The following FAM81B variants were observed in gnomAD, a reference collection of about 807,000 sequenced individuals.
The protein encoded by FAM81B is protein FAM81B.
In FAM81B, 60 loss-of-function variants were observed where a neutral mutation model predicts 58.7. That is an observed-to-expected ratio of 1.02 (90% CI 0.83 to 1.27). The LOEUF is 1.27. FAM81B is among the 50% of genes most tolerant of loss of function. FAM81B has a pLI of 0.00. For missense variants in FAM81B, 491 were observed against 522.0 expected (o/e 0.94, Z 0.58); for synonymous variants, 189 against 179.6 (o/e 1.05, Z -0.42).
chr5:95,424,173 C>T (rs1369138076), intron 5 of FAM81B: 8 of 1,289,668 alleles, frequency 6.2e-6, no homozygotes, highest in Non-Finnish European at 2.0e-6. Flanking sequence ...ACCAAACACA[C>T]TCACTGATCC....
chr5:95,405,451 C>T (rs769022121), intron 3 of FAM81B, among the ~76,000 whole-genome samples: 3 of 152,034 alleles, frequency 2.0e-5, no homozygotes, highest in Non-Finnish European at 2.9e-5. Context: ...ATTTTCCATA[C>T]CTAATGGTTC....
intron 2 of FAM81B, among the ~76,000 whole-genome samples, chr5:95,393,318 A>G (rs1381867380): frequency 6.6e-6 from 1 of 152,144 alleles, no homozygotes; most frequent in Non-Finnish European, 1.5e-5. Flanking sequence ...CTTTTTTTGC[A>G]CTTCTCTTAA....
At chr5:95,448,528 C>T in intron 9 of FAM81B, 64 bp downstream of exon 9, 1 of 1,450,788 alleles carries the variant, frequency 6.9e-7, no homozygotes, top group Non-Finnish European at 9.3e-7. Context: ...CCTCAGTCTT[C>T]CACTTTGAGC....
intron 9 of FAM81B, 44 bp from the exon 10 acceptor site, chr5:95,450,105 C>G: frequency 3.9e-6 from 6 of 1,554,622 alleles, no homozygotes; most frequent in Non-Finnish European, 5.2e-6. Context: ...AAAAAAAGCT[C>G]TAATGCATTG....
At chr5:95,437,579 C>T (rs905341469) in intron 7 of FAM81B, among the ~76,000 whole-genome samples, 1 of 152,056 alleles carries the variant, frequency 6.6e-6, no homozygotes, top group Non-Finnish European at 1.5e-5. Flanking sequence ...TCAGGTGATC[C>T]GCCCGCCTCA....
intron 7 of FAM81B, among the ~76,000 whole-genome samples, chr5:95,441,696 TA>T (rs1745360181): frequency 6.6e-6 from 1 of 152,196 alleles, no homozygotes; most frequent in African/African-American, 2.4e-5. Flanking sequence ...ATATTGAACT[TA>T]AAAGCTACAG....
intron 3 of FAM81B, among the ~76,000 whole-genome samples, chr5:95,412,022 A>G (rs2152763156): frequency 6.6e-6 from 1 of 152,334 alleles, no homozygotes; most frequent in Non-Finnish European, 1.5e-5. Context: ...TAGAAAGAAA[A>G]TTCAACGTTT....
chr5:95,414,020 C>A lies in FAM81B; in HGVS notation c.367C>A (p.Arg123Ser). Residue 123 changes from arginine (R) to serine (S), a missense_variant, in exon 4 of 10, where the codon CGT becomes AGT. Arg to Ser is a moderately radical substitution (Grantham distance 110, BLOSUM62 -1). Coordinates refer to ENST00000283357, the MANE Select transcript of FAM81B (RefSeq NM_152548.3). ...AGAAGACAGACTGAACAACCAGGCG[C>A]GTACCATAGCTTTCCTTCTTGAACA... The part of the protein sequence containing the change: ...QLEDRLNNQA[R>S]TIAFLLEQAF... 6.2e-7 allele frequency: 1 copy of A among 1,614,056 alleles called. No homozygotes were observed. Among genetic ancestry groups the A allele is most frequent in the South Asian group, 1.1e-5 (1 of 91,072 alleles).
At chr5:95,418,540 G>A (rs951306790) in intron 4 of FAM81B, among the ~76,000 whole-genome samples, 5 of 152,140 alleles carry the variant, frequency 3.3e-5, no homozygotes, top group African/African-American at 1.2e-4. Context: ...CAGTGTGTAC[G>A]ATATTATAGT....
intron 4 of FAM81B, 69 bp from the exon 5 acceptor site, chr5:95,420,215 C>A: frequency 1.9e-6 from 3 of 1,595,688 alleles, no homozygotes; most frequent in South Asian, 1.1e-5. Flanking sequence ...TAGGTAACCC[C>A]TGCTTTAAAT....
chr5:95,406,006 T>A (rs1762233517), intron 3 of FAM81B: 1 of 153,984 alleles, frequency 6.5e-6, no homozygotes, highest in Non-Finnish European at 1.5e-5. Context: ...AATCTTTCTT[T>A]AGAGGACACC....
chr5:95,393,126 T>C (rs1410927539), intron 2 of FAM81B, among the ~76,000 whole-genome samples: 2 of 152,202 alleles, frequency 1.3e-5, no homozygotes, highest in Non-Finnish European at 1.5e-5. Context: ...CTAAAATTCT[T>C]TTAAGTTGAT....
At chr5:95,402,263 G>T (rs1273874043) in intron 3 of FAM81B, among the ~76,000 whole-genome samples, 2 of 152,148 alleles carry the variant, frequency 1.3e-5, no homozygotes, top group Non-Finnish European at 2.9e-5. Context: ...GATTTAGAAA[G>T]GTCAATTGGA....
intron 3 of FAM81B, among the ~76,000 whole-genome samples, chr5:95,406,823 T>C (rs1316441270): frequency 6.6e-6 from 1 of 152,170 alleles, no homozygotes; most frequent in Non-Finnish European, 1.5e-5. Context: ...TTTTTTAACC[T>C]CTGAATAACT....
chr5:95,393,238 T>TG (rs1761875640), intron 2 of FAM81B, among the ~76,000 whole-genome samples: 1 of 152,214 alleles, frequency 6.6e-6, no homozygotes, highest in African/African-American at 2.4e-5. Context: ...CTAAATAGAA[T>TG]GTTTCCTTTA....
rs528994840 is a variant in FAM81B, at chr5:95,441,517, A to C, written c.893+4611A>C. 3.5e-4 allele frequency among the ~76,000 whole-genome samples: 53 copies of C among 152,164 alleles called. No individual in the cohort carries two copies. In the East Asian group the frequency reaches 9.7e-3, roughly 28 times the overall value. ...CCGGGAGGTGGAGGTTGCAGTGAGCAGAGATCGTGCCACTCTCCTCCAGCC... is the reference window on the plus strand; with the variant it reads ...CCGGGAGGTGGAGGTTGCAGTGAGCCGAGATCGTGCCACTCTCCTCCAGCC... On this transcript the variant is annotated intron_variant, in intron 7 of 9. Transcript: ENST00000283357.
intron 5 of FAM81B, among the ~76,000 whole-genome samples, chr5:95,426,092 G>GTATATATATA (rs201172690): frequency 2.8e-3 from 240 of 84,818 alleles, no homozygotes; most frequent in African/African-American, 0.012. Context: ...CTATCTCTGT[G>GTATATATATA]TGTATATATA....
At chr5:95,395,634 T>G (rs945118783) in intron 2 of FAM81B, among the ~76,000 whole-genome samples, 1 of 152,100 alleles carries the variant, frequency 6.6e-6, no homozygotes, top group Non-Finnish European at 1.5e-5. Context: ...CTATACTTAA[T>G]GTTGGTAAAT....
intron 5 of FAM81B, among the ~76,000 whole-genome samples, chr5:95,428,278 A>C (rs1052119235): frequency 5.9e-5 from 9 of 152,200 alleles, no homozygotes; most frequent in Non-Finnish European, 1.3e-4. Flanking sequence ...TATTTCCAAA[A>C]CATCAAAATT....
Sources: gnomAD v4.1 joint callset for allele counts (sites outside exome capture counted in the v4.1 genomes callset) on GRCh38, gnomAD v4.1.1 for gene constraint, MANE v1.5 for transcripts, NCBI Gene and HGNC (gene_info 2026-07-23, HGNC 2026-07-21) for gene names.